Variants in RBPJ observed in about 807,000 individuals in gnomAD.
The protein encoded by RBPJ is recombining binding protein suppressor of hairless.
Under a neutral mutation model 67.8 loss-of-function variants are expected in RBPJ, and 9 were observed. That is an observed-to-expected ratio of 0.13 (90% CI 0.08 to 0.23). The LOEUF is 0.23. RBPJ is among the 10% of genes least tolerant of loss of function. The probability of loss-of-function intolerance (pLI) is 1.00; values close to 1 mark genes in which losing one functional copy is unlikely to be tolerated. For missense variants in RBPJ, 305 were observed against 595.6 expected, an observed-to-expected ratio of 0.51 and a Z score of 5.08; for synonymous variants, 198 against 203.3, an observed-to-expected ratio of 0.97 and a Z score of 0.22.
Position 26,430,622 on chromosome 4 carries a change from G to A in RBPJ, c.1149-70G>A. 6.4e-7 allele frequency: 1 copy of A among 1,558,924 alleles called. No homozygotes were observed. Among genetic ancestry groups the A allele is most frequent in the African/African-American group, 1.4e-5 (1 of 73,638 alleles). On this transcript the variant is annotated intron_variant, in intron 10 of 10. Transcript: ENST00000355476. The surrounding 1 kb of genome is among the most constrained non-coding windows in gnomAD (Gnocchi z 4.1). Reference sequence around the variant, plus strand: ...ATTGTAATGTATTAAACAACCTTGTGTTAAGTCTCATTTTTAACATGTACT... The same window carrying A: ...ATTGTAATGTATTAAACAACCTTGTATTAAGTCTCATTTTTAACATGTACT...
At chr4:26,160,967 A>G (rs1716066527), upstream of RBPJ, among the ~76,000 whole-genome samples, 1 of 152,186 alleles carries the variant, frequency 6.6e-6, no homozygotes, top group Non-Finnish European at 1.5e-5. Flanking sequence ...CTAGCTCTGG[A>G]TGATGATGGT....
intron 1 of RBPJ, among the ~76,000 whole-genome samples, chr4:26,212,326 T>C (rs1276832971): frequency 6.6e-6 from 1 of 152,032 alleles, no homozygotes; most frequent in East Asian, 1.9e-4. Context: ...CCATGGCTCT[T>C]GTTACAGGCT....
intron 2 of RBPJ, among the ~76,000 whole-genome samples, chr4:26,401,040 A>G (rs557702151): frequency 1.1e-4 from 17 of 152,268 alleles, no homozygotes; most frequent in South Asian, 6.2e-4. Context: ...TGGAAGTCCC[A>G]TTTTCCCTCC....
intron 1 of RBPJ, among the ~76,000 whole-genome samples, chr4:26,170,936 G>T (rs1236194279): frequency 5.9e-5 from 9 of 152,156 alleles, no homozygotes; most frequent in Non-Finnish European, 1.3e-4. Flanking sequence ...AAGGATTAAA[G>T]GCATTGTACG....
rs140934883 is a variant in RBPJ at position 26,268,278 on chromosome 4, A to G, written c.-166-94168A>G. Among the ~76,000 whole-genome samples the G allele has an allele frequency of 8.8e-4, 134 of 152,314 alleles. 2 individuals carry two copies. Among genetic ancestry groups the G allele is most frequent in the African/African-American group, 3.1e-3 (129 of 41,564 alleles). On this transcript the variant is annotated intron_variant, in intron 1 of 4. Transcript: ENST00000512351. The stretch of plus-strand genomic sequence containing the variant: ...TCAAAAAAAACAAAAAACAAACAAC[A>G]AAAACCAAGTGTCCTCTTTTTCTGT...
chr4:26,416,695 C>T (rs1734625568), intron 4 of RBPJ, among the ~76,000 whole-genome samples: 1 of 152,096 alleles, frequency 6.6e-6, no homozygotes, highest in Admixed American at 6.5e-5. Flanking sequence ...TTGATACATC[C>T]TTGTTGAATA....
chr4:26,126,573 T>C, the RBPJ span, among the ~76,000 whole-genome samples: 1 of 152,260 alleles, frequency 6.6e-6, no homozygotes, highest in South Asian at 2.1e-4. Flanking sequence ...ATAGTCATTA[T>C]GATACTGGTG....
chr4:26,153,564 T>G, the RBPJ span, among the ~76,000 whole-genome samples: 3 of 152,176 alleles, frequency 2.0e-5, no homozygotes, highest in Non-Finnish European at 2.9e-5. Flanking sequence ...AGTGGATAGC[T>G]TTTTTCAAAT....
the RBPJ span, among the ~76,000 whole-genome samples, chr4:26,120,707 T>A: frequency 0.47 from 66,086 of 139,320 alleles, 16,705 homozygotes; most frequent in African/African-American, 0.62. Flanking sequence ...CAAGACCATT[T>A]TCTCAACTTT....
chr4:26,329,785 T>C (rs1724036393), intron 1 of RBPJ, among the ~76,000 whole-genome samples: 1 of 151,838 alleles, frequency 6.6e-6, no homozygotes, highest in African/African-American at 2.4e-5. Context: ...TCACAGCTAC[T>C]TGGGAGGCTG....
At chr4:26,395,232 G>A (rs1313848427) in intron 2 of RBPJ, among the ~76,000 whole-genome samples, 1 of 152,068 alleles carries the variant, frequency 6.6e-6, no homozygotes, top group African/African-American at 2.4e-5. Context: ...CAAGGCAGGA[G>A]GATTGCTTGA....
chr4:26,329,674 C>T (rs1049926560), intron 1 of RBPJ, among the ~76,000 whole-genome samples: 10 of 152,074 alleles, frequency 6.6e-5, no homozygotes, highest in Non-Finnish European at 1.5e-4. Context: ...GCGGGCGGAT[C>T]ACGAGGTCAG....
chr4:26,169,845 A>G (rs1716497504), intron 1 of RBPJ, among the ~76,000 whole-genome samples: 1 of 152,200 alleles, frequency 6.6e-6, no homozygotes, highest in Non-Finnish European at 1.5e-5. Flanking sequence ...GCTAGCAATC[A>G]GCGAGACTCC....
rs1718039988 is a variant in RBPJ, at chr4:26,202,992, AGG to A, written c.-167+39379_-167+39380del. Among the ~76,000 whole-genome samples, 6 of 146,898 alleles carry A rather than the reference AGG, an allele frequency of 4.1e-5. 1 individual carries two copies. The highest frequency in any genetic ancestry group is 4.5e-4 in the South Asian group (2 of 4,442). ...AAATAAGGAAGGAAGGAAGGAAGGA[AGG>A]AAGGAAGGAAGGAAAAAAGAAAAGA... is the stretch of plus-strand genomic sequence containing the variant. On this transcript the variant is annotated intron_variant, in intron 1 of 4. Transcript: ENST00000512351.
intron 1 of RBPJ, among the ~76,000 whole-genome samples, chr4:26,365,813 G>T (rs1049981378): frequency 1.3e-5 from 2 of 152,174 alleles, no homozygotes; most frequent in African/African-American, 2.4e-5. Context: ...TTGAAGTAAA[G>T]GTTGTTAGAG....
At chr4:26,245,505 C>A (rs926144275) in intron 1 of RBPJ, among the ~76,000 whole-genome samples, 1 of 152,146 alleles carries the variant, frequency 6.6e-6, no homozygotes, top group Non-Finnish European at 1.5e-5. Flanking sequence ...CTGCACCCGG[C>A]CCACTAATGT....
At chr4:26,185,988 G>A (rs757617404) in intron 1 of RBPJ, among the ~76,000 whole-genome samples, 1 of 152,130 alleles carries the variant, frequency 6.6e-6, no homozygotes, top group Non-Finnish European at 1.5e-5. Flanking sequence ...AGAGGTTGCA[G>A]TGAGCTGAGA....
chr4:26,280,192 G>A (rs1306364553), intron 1 of RBPJ, among the ~76,000 whole-genome samples: 1 of 151,636 alleles, frequency 6.6e-6, no homozygotes, highest in Non-Finnish European at 1.5e-5. Context: ...GTCAGGAGTT[G>A]CAGACCAGCC....
chr4:26,215,101 GAAAGAAAAAGAAAGA>G (rs1718640212), intron 1 of RBPJ, among the ~76,000 whole-genome samples: 1 of 10,870 alleles, frequency 9.2e-5, no homozygotes, highest in African/African-American at 1.0e-3. Flanking sequence ...GAAAGAGAAA[GAAAGAAAAAGAAAGA>G]AAGGAAAGAG....
Sources: gnomAD v4.1 joint callset for allele counts (sites outside exome capture counted in the v4.1 genomes callset) on GRCh38, gnomAD v4.1.1 for gene constraint, Gnocchi (gnomAD v3.1) non-coding constraint, MANE v1.5 for transcripts, NCBI Gene and HGNC (gene_info 2026-07-23, HGNC 2026-07-21) for gene names.